The following SPINT2 variants were observed in gnomAD, a reference collection of about 807,000 sequenced individuals.
The protein encoded by SPINT2 is kunitz-type protease inhibitor 2.
In SPINT2, 18 loss-of-function variants were observed where a neutral mutation model predicts 30.1. The ratio of observed to expected loss-of-function variants is 0.60; its 90% CI spans 0.41 to 0.89. The LOEUF (loss-of-function observed/expected upper bound fraction) is 0.89. SPINT2 is among the 40% of genes least tolerant of loss of function. The pLI, the probability that SPINT2 is intolerant of heterozygous loss-of-function variation, is 0.00. For synonymous variants in SPINT2, 139 were observed against 137.9 expected (o/e 1.01, Z -0.05); for missense variants, 276 against 334.3 (o/e 0.83, Z 1.36).
intron 1 of SPINT2, among the ~76,000 whole-genome samples, chr19:38,277,436 G>A (rs1600340159): frequency 1.3e-5 from 2 of 152,034 alleles, no homozygotes; most frequent in South Asian, 4.2e-4. Context: ...TTGAGCTCAA[G>A]CAATTTGCTC....
chr19:38,278,001 A>G (rs1039373747), intron 1 of SPINT2, among the ~76,000 whole-genome samples: 1 of 152,112 alleles, frequency 6.6e-6, no homozygotes, highest in Non-Finnish European at 1.5e-5. Context: ...CTTGAGTCAT[A>G]TTTTTCATGA....
intron 2 of SPINT2, among the ~76,000 whole-genome samples, chr19:38,284,357 AG>A (rs1227690210): frequency 6.6e-6 from 1 of 152,136 alleles, no homozygotes; most frequent in Non-Finnish European, 1.5e-5. Flanking sequence ...GGCCTTCCAA[AG>A]GGCTGAGATT....
At chr19:38,279,668 G>C (rs759964156) in intron 1 of SPINT2, among the ~76,000 whole-genome samples, 2 of 151,680 alleles carry the variant, frequency 1.3e-5, no homozygotes, top group Non-Finnish European at 2.9e-5. Flanking sequence ...TTTTTTGTTT[G>C]TTTGAGACTG....
chr19:38,285,730 A>T lies in SPINT2; in HGVS notation c.277+1933A>T, dbSNP rs553752616. Among the ~76,000 whole-genome samples, 216 of 152,242 alleles carry T rather than the reference A, an allele frequency of 1.4e-3. 1 individual carries two copies. The highest frequency in any genetic ancestry group is 5.1e-3 in the African/African-American group (211 of 41,542). ...TATTTTCAGCGGCACTCCCCCTAAC[A>T]TGTTTTTTTGATGACTTGGTGTTGT... On this transcript the variant is annotated intron_variant, in intron 2 of 6. Coordinates refer to ENST00000301244, the MANE Select transcript of SPINT2 (RefSeq NM_021102.4).
intron 4 of SPINT2, chr19:38,289,867 G>A: frequency 1.8e-6 from 1 of 554,988 alleles, no homozygotes; most frequent in Non-Finnish European, 3.2e-6. Context: ...TAGAGACTCA[G>A]CCACTGCATG....
chr19:38,286,851 A>G (rs1968648154), intron 2 of SPINT2, among the ~76,000 whole-genome samples: 1 of 152,048 alleles, frequency 6.6e-6, no homozygotes, highest in African/African-American at 2.4e-5. Context: ...TCTCCCCCCA[A>G]AGAGATTAGG....
chr19:38,284,285 G>C (rs920682239), intron 2 of SPINT2, among the ~76,000 whole-genome samples: 1 of 151,982 alleles, frequency 6.6e-6, no homozygotes, highest in African/African-American at 2.4e-5. Context: ...ATAGAGGCGG[G>C]GGTCTCCCTA....
At chr19:38,269,976 T>C (rs1968434321) in intron 1 of SPINT2, among the ~76,000 whole-genome samples, 1 of 150,156 alleles carries the variant, frequency 6.7e-6, no homozygotes, top group African/African-American at 2.5e-5. Flanking sequence ...TCTGCCCACC[T>C]CAGCCTCTCA....
chr19:38,279,752 C>T (rs1401707686), intron 1 of SPINT2, among the ~76,000 whole-genome samples: 3 of 152,196 alleles, frequency 2.0e-5, no homozygotes, highest in African/African-American at 4.8e-5. Flanking sequence ...CTTGCGGGCT[C>T]AAGTGATTCT....
intron 1 of SPINT2, among the ~76,000 whole-genome samples, chr19:38,271,335 C>CA (rs1968453324): frequency 6.6e-6 from 1 of 151,046 alleles, no homozygotes; most frequent in African/African-American, 2.4e-5. Flanking sequence ...ACTAAAAATA[C>CA]AAAAAAATTA....
At chr19:38,277,702 G>C (rs1968537074) in intron 1 of SPINT2, among the ~76,000 whole-genome samples, 1 of 152,218 alleles carries the variant, frequency 6.6e-6, no homozygotes, top group Admixed American at 6.5e-5. Flanking sequence ...TCAAAGACCA[G>C]TTTGCTTTGC....
rs1301640524 is a variant in SPINT2, at chr19:38,291,824, CCT to C, written c.593-10_593-9del. 2.5e-6 allele frequency: 4 copies of C among 1,611,594 alleles called. No individual in the cohort carries two copies. Among genetic ancestry groups the C allele is most frequent in the Non-Finnish European group, 2.5e-6 (3 of 1,179,656 alleles). On this transcript the variant is annotated splice_polypyrimidine_tract_variant and intron_variant, in intron 6 of 6. Coordinates refer to ENST00000301244, the MANE Select transcript of SPINT2 (RefSeq NM_021102.4). The stretch of plus-strand genomic sequence containing the variant: ...CCCTTGCCTGGCCCGTCCTGAGGCC[CCT>C]CTCTCGTCCTCAGTGGTGGTTCTGG...
At chr19:38,291,110 G>A (rs371149999) in intron 6 of SPINT2, 13 of 210,848 alleles carry the variant, frequency 6.2e-5, no homozygotes, top group African/African-American at 1.6e-4. Context: ...CCTGGCCTGC[G>A]AGTCTGTCCT....
rs2146268772 is a variant in SPINT2 at position 38,274,194 on chromosome 19, C to G, written c.106+9196C>G. ...TGAGCCAAGATTGTACCACTGTACT[C>G]CAGCCTGGGTGACAGGGCAAGTCCC... is the stretch of plus-strand genomic sequence containing the variant. On this transcript the variant is annotated intron_variant, in intron 1 of 6. Transcript: ENST00000301244. Among the ~76,000 whole-genome samples the G allele has an allele frequency of 1.3e-5, 2 of 151,682 alleles. 1 individual carries two copies. Among genetic ancestry groups the G allele is most frequent in the Non-Finnish European group, 2.9e-5 (2 of 67,956 alleles).
At chr19:38,273,160 GT>G (rs199969922) in intron 1 of SPINT2, among the ~76,000 whole-genome samples, 2 of 151,442 alleles carry the variant, frequency 1.3e-5, no homozygotes, top group Non-Finnish European at 2.9e-5. Flanking sequence ...AATACCTGAG[GT>G]TTTTTTTTGA....
chr19:38,288,618 C>G (rs1968672745), intron 3 of SPINT2: 1 of 193,958 alleles, frequency 5.2e-6, no homozygotes, highest in African/African-American at 2.3e-5. Context: ...GATGGGACTC[C>G]CCCGGCAGCT....
intron 1 of SPINT2, among the ~76,000 whole-genome samples, chr19:38,276,823 C>G: frequency 6.6e-6 from 1 of 151,938 alleles, no homozygotes; most frequent in East Asian, 1.9e-4. Context: ...TTTTGGAGAA[C>G]AAAGTCTCGC....
intron 1 of SPINT2, among the ~76,000 whole-genome samples, chr19:38,281,012 C>T (rs574991040): frequency 1.1e-4 from 16 of 152,256 alleles, no homozygotes; most frequent in African/African-American, 3.9e-4. Context: ...CTGTTGGGTG[C>T]TCTTGCCTTG....
chr19:38,290,431 C>T lies in SPINT2; in HGVS notation c.554-106C>T. The T allele has an allele frequency of 4.4e-6, 7 of 1,602,164 alleles. No individual in the cohort carries two copies. Among genetic ancestry groups the T allele is most frequent in the Middle Eastern group, 1.9e-4 (1 of 5,220 alleles). ...AGCCCCAGAAAAGCTGGAAGAAAGC[C>T]CCTCAGAAAGAGCTCCCCATGGAGG... On this transcript the variant is annotated intron_variant, in intron 5 of 6. Transcript: ENST00000301244. The surrounding 1 kb of genome is among the most constrained non-coding windows in gnomAD (Gnocchi z 4.3).
Sources: gnomAD v4.1 joint callset for allele counts (sites outside exome capture counted in the v4.1 genomes callset) on GRCh38, gnomAD v4.1.1 for gene constraint, Gnocchi (gnomAD v3.1) non-coding constraint, MANE v1.5 for transcripts, NCBI Gene and HGNC (gene_info 2026-07-23, HGNC 2026-07-21) for gene names.